The following PPP3CB variants were observed in gnomAD, a reference collection of about 807,000 sequenced individuals.
PPP3CB encodes the protein serine/threonine-protein phosphatase 2B catalytic subunit beta isoform.
Under a neutral mutation model 66.4 loss-of-function variants are expected in PPP3CB, and 8 were observed. That is an observed-to-expected ratio of 0.12 (90% CI 0.07 to 0.22). PPP3CB has a LOEUF of 0.22. Among genes scored for constraint, PPP3CB ranks in the 10% least tolerant of loss-of-function variants. PPP3CB has a pLI of 1.00. For synonymous variants in PPP3CB, 208 were observed against 221.2 expected (o/e 0.94, Z 0.53); for missense variants, 319 against 642.5 (o/e 0.50, Z 5.44).
intron 1 of PPP3CB, among the ~76,000 whole-genome samples, chr10:73,487,696 T>C (rs2057005158): frequency 6.6e-6 from 1 of 151,922 alleles, no homozygotes; most frequent in Admixed American, 6.6e-5. Flanking sequence ...ATATTTATAG[T>C]GTTTTATTCA....
chr10:73,485,126 T>C (rs2056950448), intron 1 of PPP3CB, among the ~76,000 whole-genome samples: 1 of 152,192 alleles, frequency 6.6e-6, no homozygotes. Context: ...TTTGGTAACA[T>C]TCATTTTGAC....
In PPP3CB at chr10:73,438,317, C is replaced by A. The variant is rs956064020; in HGVS notation, c.1500G>T (p.Gln500His). 1.7e-5 allele frequency: 27 copies of A among 1,614,042 alleles called. No homozygotes were observed. Among genetic ancestry groups the A allele is most frequent in the Non-Finnish European group, 2.3e-5 (27 of 1,180,008 alleles). Residue 500 changes from glutamine to histidine, a missense_variant, in exon 14 of 14, where the codon CAG (glutamine) becomes CAT (histidine). This residue lies in a region of PPP3CB where 120 missense variants were observed against 331.2 expected (regional missense o/e 0.36). Transcript: ENST00000360663. ...TGTTCAGAGAATTGAAACCATCTTG[C>A]TGTACAGCATCTTTCCGAGGTGGCA... Reference protein sequence around the residue: ...ERMPPRKDAVQQDGFNSLNTA... With the variant: ...ERMPPRKDAVHQDGFNSLNTA...
At chr10:73,471,026 T>C (rs761384490) in intron 6 of PPP3CB, 44 bp downstream of exon 6, 2 of 1,598,948 alleles carry the variant, frequency 1.3e-6, no homozygotes, top group African/African-American at 2.7e-5. Flanking sequence ...GCATATGCTA[T>C]GTTAACAACT....
At chr10:73,486,826 C>T (rs1842859730) in intron 1 of PPP3CB, among the ~76,000 whole-genome samples, 1 of 152,192 alleles carries the variant, frequency 6.6e-6, no homozygotes, top group Non-Finnish European at 1.5e-5. Flanking sequence ...ATGCCTCCTC[C>T]TTTGAGATTC....
At chr10:73,468,624 C>CT (rs779308943) in intron 8 of PPP3CB, among the ~76,000 whole-genome samples, 16 of 151,920 alleles carry the variant, frequency 1.1e-4, no homozygotes, top group Non-Finnish European at 1.8e-4. Context: ...TTTATGGTTA[C>CT]TTTTTTTTCA....
chr10:73,489,147 T>C (rs2057032984), intron 1 of PPP3CB, among the ~76,000 whole-genome samples: 1 of 152,222 alleles, frequency 6.6e-6, no homozygotes. Flanking sequence ...GATTATTGTT[T>C]CCTAAAAAAC....
At chr10:73,441,478 T>C (rs139572721) in intron 12 of PPP3CB, among the ~76,000 whole-genome samples, 6 of 152,212 alleles carry the variant, frequency 3.9e-5, no homozygotes, top group Non-Finnish European at 5.9e-5. Flanking sequence ...GTGGTGTGCA[T>C]ATGTAATCCC....
At chr10:73,454,352 A>T (rs1346160450) in intron 10 of PPP3CB, 60 bp downstream of exon 10, 5 of 1,315,298 alleles carry the variant, frequency 3.8e-6, no homozygotes, top group Middle Eastern at 1.8e-4. Flanking sequence ...TACTGAGGCT[A>T]GGCAGTAAAG....
chr10:73,464,062 T>A (rs961718025), intron 9 of PPP3CB, among the ~76,000 whole-genome samples: 1 of 152,166 alleles, frequency 6.6e-6, no homozygotes, highest in Admixed American at 6.5e-5. Context: ...CCCGAGTAGC[T>A]GGGATTACAG....
intron 9 of PPP3CB, among the ~76,000 whole-genome samples, chr10:73,456,908 T>C (rs2056436340): frequency 1.3e-5 from 2 of 152,120 alleles, no homozygotes; most frequent in African/African-American, 4.8e-5. Flanking sequence ...CTTATTTATA[T>C]AAAATGTCTA....
At chr10:73,477,004 G>A (rs1036625669) in intron 3 of PPP3CB, among the ~76,000 whole-genome samples, 2 of 152,190 alleles carry the variant, frequency 1.3e-5, no homozygotes, top group South Asian at 4.1e-4. Flanking sequence ...ACCAGGTAAG[G>A]TTTCAGTATC....
At chr10:73,453,268 A>T (rs1308443515) in intron 10 of PPP3CB, among the ~76,000 whole-genome samples, 2 of 152,222 alleles carry the variant, frequency 1.3e-5, no homozygotes, top group African/African-American at 4.8e-5. Flanking sequence ...TTAATTCTGT[A>T]ACTCTATAAT....
chr10:73,472,520 C>T (rs1589705660), intron 4 of PPP3CB, among the ~76,000 whole-genome samples: 1 of 151,162 alleles, frequency 6.6e-6, no homozygotes. Context: ...AGAAAGAAAT[C>T]TCTTAAAAAC....
intron 13 of PPP3CB, among the ~76,000 whole-genome samples, chr10:73,439,023 GTATT>G (rs1156877251): frequency 6.6e-6 from 1 of 152,278 alleles, no homozygotes; most frequent in East Asian, 1.9e-4. Flanking sequence ...TAGCAAAAAA[GTATT>G]TATAATCTCG....
rs182267954 is a variant in PPP3CB at position 73,452,040 on chromosome 10, C to T, written c.1186+2372G>A. Reference sequence around the variant, plus strand: ...GGATTACAGGCGTGAGCCACCACACCCGGCTGGAAGCCTCATCTCTTAAAA... The same window carrying T: ...GGATTACAGGCGTGAGCCACCACACTCGGCTGGAAGCCTCATCTCTTAAAA... On this transcript the variant is annotated intron_variant, in intron 10 of 13. Transcript: ENST00000360663. Among the ~76,000 whole-genome samples the T allele has an allele frequency of 1.0e-2, 1,518 of 151,982 alleles. 17 individuals carry two copies. Among genetic ancestry groups the T allele is most frequent in the South Asian group, 0.03 (145 of 4,810 alleles).
chr10:73,462,869 G>A (rs2056546719), intron 9 of PPP3CB, among the ~76,000 whole-genome samples: 1 of 131,924 alleles, frequency 7.6e-6, no homozygotes, highest in South Asian at 2.6e-4. Flanking sequence ...AGAACTGCTT[G>A]AACCTGGGAA....
chr10:73,477,982 A>G (rs747076733), intron 3 of PPP3CB, among the ~76,000 whole-genome samples: 1 of 152,220 alleles, frequency 6.6e-6, no homozygotes, highest in Non-Finnish European at 1.5e-5. Context: ...GTGATAATCA[A>G]AAGGTCATTT....
At chr10:73,477,296 A>T (rs185171464) in intron 3 of PPP3CB, 104 of 503,210 alleles carry the variant, frequency 2.1e-4, no homozygotes, top group African/African-American at 2.0e-3. Context: ...TTGTCCTACA[A>T]AAATAATCAG....
At chr10:73,482,109 G>A (rs899926623) in intron 1 of PPP3CB, among the ~76,000 whole-genome samples, 15 of 151,578 alleles carry the variant, frequency 9.9e-5, no homozygotes, top group Admixed American at 3.3e-4. Context: ...TTACTTTTGG[G>A]ACATTACAAA....
Sources: allele counts gnomAD v4.1 joint callset (sites outside exome capture counted in the v4.1 genomes callset), GRCh38; gene constraint gnomAD v4.1.1; regional missense constraint gnomAD v4.1.1; transcripts MANE v1.5; gene names NCBI Gene and HGNC (gene_info 2026-07-23, HGNC 2026-07-21).